UBE3D: variants seen among roughly 807,000 people sequenced by gnomAD.
UBE3D encodes the protein ubiquitin protein ligase E3D, also known as E3 ubiquitin-protein ligase E3D.
UBE3D carries 48 observed loss-of-function variants against 49.6 expected under a neutral mutation model. That is an observed-to-expected ratio of 0.97 (90% CI 0.77 to 1.23). The LOEUF (loss-of-function observed/expected upper bound fraction) is 1.23, where lower values mean the gene tolerates loss of function less well. Among genes scored for constraint, UBE3D ranks in the 50% most tolerant of loss-of-function variants. The pLI is 0.00. For missense variants in UBE3D, 452 were observed against 468.4 expected (o/e 0.96, Z 0.32); for synonymous variants, 189 against 174.2 (o/e 1.08, Z -0.67).
intron 3 of UBE3D, among the ~76,000 whole-genome samples, chr6:83,045,183 G>C (rs371685793): frequency 6.6e-6 from 1 of 152,094 alleles, no homozygotes; most frequent in Admixed American, 6.5e-5. Flanking sequence ...TCCTATATAA[G>C]TGTGAGATGA....
intron 9 of UBE3D, among the ~76,000 whole-genome samples, chr6:82,916,053 T>C (rs1009279451): frequency 2.0e-5 from 3 of 152,226 alleles, no homozygotes; most frequent in Admixed American, 1.3e-4. Context: ...CATAATCATT[T>C]ATTTAGTATT....
intron 8 of UBE3D, among the ~76,000 whole-genome samples, chr6:83,010,943 A>C (rs536782862): frequency 6.6e-6 from 1 of 152,286 alleles, no homozygotes; most frequent in East Asian, 1.9e-4. Flanking sequence ...CTTTGCATCC[A>C]GTCAAGTTTA....
At chr6:82,974,559 A>AT (rs745398215) in intron 8 of UBE3D, among the ~76,000 whole-genome samples, 8 of 151,690 alleles carry the variant, frequency 5.3e-5, no homozygotes, top group Non-Finnish European at 8.8e-5. Context: ...TTGTGTTTTT[A>AT]TTTTTTTTAA....
At chr6:82,976,443 A>C (rs755953963) in intron 8 of UBE3D, among the ~76,000 whole-genome samples, 1 of 152,204 alleles carries the variant, frequency 6.6e-6, no homozygotes, top group African/African-American at 2.4e-5. Context: ...CCAAGTGTAC[A>C]TACAATTTTC....
At chr6:83,026,955 C>T (rs1274430404) in intron 5 of UBE3D, among the ~76,000 whole-genome samples, 5 of 152,092 alleles carry the variant, frequency 3.3e-5, no homozygotes, top group Non-Finnish European at 7.4e-5. Flanking sequence ...CTTTTTATTT[C>T]ATGTGTTGTT....
At chr6:83,006,187 T>G (rs1382197674) in intron 8 of UBE3D, among the ~76,000 whole-genome samples, 1 of 152,084 alleles carries the variant, frequency 6.6e-6, no homozygotes, top group African/African-American at 2.4e-5. Flanking sequence ...ATAGCACCAC[T>G]GCACTCCAGC....
intron 8 of UBE3D, among the ~76,000 whole-genome samples, chr6:82,963,607 C>T (rs1776707899): frequency 6.6e-6 from 1 of 152,132 alleles, no homozygotes; most frequent in Admixed American, 6.6e-5. Flanking sequence ...GAGGCTAAGT[C>T]AATTTAGCCT....
At position 82,996,845 on chromosome 6, in the gene UBE3D, T is replaced by C. The variant is rs564869328; in HGVS notation, c.1010+22128A>G. Among the ~76,000 whole-genome samples, 198 of 152,272 alleles carry C rather than the reference T, an allele frequency of 1.3e-3. 1 individual carries two copies. The highest frequency in any genetic ancestry group is 2.3e-3 in the Non-Finnish European group (157 of 68,020). On this transcript the variant is annotated intron_variant, in intron 8 of 9. Coordinates refer to ENST00000369747, the MANE Select transcript of UBE3D (RefSeq NM_198920.3). ...TAGTCTAGAGAAGACAAAGGAGATA[T>C]GACAAATTAATGCAATGTGGTATCA...
intron 3 of UBE3D, among the ~76,000 whole-genome samples, chr6:83,053,858 A>G (rs1407605209): frequency 6.6e-6 from 1 of 152,218 alleles, no homozygotes; most frequent in East Asian, 1.9e-4. Context: ...GACAGGTCCC[A>G]TGTTTCTTTT....
chr6:82,923,864 A>G (rs1773542439), intron 9 of UBE3D, among the ~76,000 whole-genome samples: 1 of 152,222 alleles, frequency 6.6e-6, no homozygotes, highest in African/African-American at 2.4e-5. Flanking sequence ...TTAACATTTG[A>G]AAATTATTAC....
chr6:83,037,638 T>C (rs984756826), intron 5 of UBE3D: 3 of 152,290 alleles, frequency 2.0e-5, no homozygotes, highest in Admixed American at 6.5e-5. Context: ...TTAAGTACAA[T>C]TGCTTCATGT....
chr6:82,981,579 T>C (rs183567481), intron 8 of UBE3D, among the ~76,000 whole-genome samples: 8 of 152,128 alleles, frequency 5.3e-5, no homozygotes, highest in Non-Finnish European at 1.2e-4. Flanking sequence ...AAAATTTAAA[T>C]TTATGCCTGT....
chr6:82,895,122 C>A (rs1356235374), intron 9 of UBE3D, among the ~76,000 whole-genome samples: 1 of 152,004 alleles, frequency 6.6e-6, no homozygotes, highest in Non-Finnish European at 1.5e-5. Flanking sequence ...GAACAGCCTG[C>A]CAATATGGTA....
chr6:83,007,819 C>T (rs762471850), intron 8 of UBE3D, among the ~76,000 whole-genome samples: 1 of 152,102 alleles, frequency 6.6e-6, no homozygotes, highest in Non-Finnish European at 1.5e-5. Context: ...GTGATGTACA[C>T]CTGTAATCCC....
intron 3 of UBE3D, among the ~76,000 whole-genome samples, chr6:83,044,962 G>A (rs574506149): frequency 3.9e-4 from 59 of 152,246 alleles, no homozygotes; most frequent in African/African-American, 1.3e-3. Context: ...TTTGAGAATC[G>A]TGAATAAACA....
At chr6:82,940,826 G>A (rs1774952952) in intron 9 of UBE3D, among the ~76,000 whole-genome samples, 1 of 152,136 alleles carries the variant, frequency 6.6e-6, no homozygotes, top group Non-Finnish European at 1.5e-5. Flanking sequence ...TCAGTACTGT[G>A]CCCCAGCCAG....
intron 8 of UBE3D, among the ~76,000 whole-genome samples, chr6:83,005,336 G>A (rs943284288): frequency 4.6e-5 from 7 of 151,758 alleles, no homozygotes; most frequent in African/African-American, 9.7e-5. Flanking sequence ...AATAACAAGC[G>A]CTAGCAAGGA....
rs149317619 is a variant in UBE3D at position 82,947,036 on chromosome 6, C to T, written c.1149+10276G>A. ...CAACCAGGAAACAAATAACAAAATG[C>T]CAGGAGTAAGCCTTTACTTATCAAT... On this transcript the variant is annotated intron_variant, in intron 9 of 9. Transcript: ENST00000369747. 1.8e-3 allele frequency among the ~76,000 whole-genome samples: 276 copies of T among 151,670 alleles called. 1 individual carries two copies. Among genetic ancestry groups the T allele is most frequent in the Middle Eastern group, 0.01 (3 of 292 alleles).
chr6:83,054,323 T>C (rs1582760607), intron 2 of UBE3D, 85 bp from the exon 3 acceptor site: 1 of 997,122 alleles, frequency 1.0e-6, no homozygotes, highest in East Asian at 2.5e-5. Flanking sequence ...CCACGATAAA[T>C]TACCATCCAT....
Sources: allele counts gnomAD v4.1 joint callset (sites outside exome capture counted in the v4.1 genomes callset), GRCh38; gene constraint gnomAD v4.1.1; transcripts MANE v1.5; gene names NCBI Gene and HGNC (gene_info 2026-07-23, HGNC 2026-07-21).